NKAIN3: variants seen among roughly 807,000 people sequenced by gnomAD.
The protein encoded by NKAIN3 is sodium/potassium transporting ATPase interacting 3.
Under a neutral mutation model 30.2 loss-of-function variants are expected in NKAIN3, and 25 were observed. The ratio of observed to expected loss-of-function variants is 0.83; its 90% CI spans 0.60 to 1.16. The LOEUF (loss-of-function observed/expected upper bound fraction) is 1.16. NKAIN3 is among the 50% of genes most tolerant of loss of function. NKAIN3 has a pLI of 0.00. For missense variants in NKAIN3, 225 were observed against 254.1 expected (o/e 0.89, Z 0.78); for synonymous variants, 91 against 89.6 (o/e 1.02, Z -0.09).
intron 4 of NKAIN3, among the ~76,000 whole-genome samples, chr8:62,866,067 C>A (rs944605605): frequency 6.6e-6 from 1 of 151,914 alleles, no homozygotes; most frequent in Non-Finnish European, 1.5e-5. Flanking sequence ...TTTAGCAGTC[C>A]CATTTGTATT....
intron 1 of NKAIN3, among the ~76,000 whole-genome samples, chr8:62,553,606 G>A (rs1809291831): frequency 6.7e-6 from 1 of 150,036 alleles, no homozygotes; most frequent in Non-Finnish European, 1.5e-5. Flanking sequence ...GCGCGATCTC[G>A]GCTCACTGCC....
At chr8:62,768,148 C>T (rs1816902054) in intron 4 of NKAIN3, among the ~76,000 whole-genome samples, 1 of 152,084 alleles carries the variant, frequency 6.6e-6, no homozygotes, top group South Asian at 2.1e-4. Context: ...AGTGTAAAAA[C>T]GATTTTGTGC....
intron 4 of NKAIN3, among the ~76,000 whole-genome samples, chr8:62,881,172 T>G (rs528766475): frequency 6.6e-6 from 1 of 152,362 alleles, no homozygotes; most frequent in Admixed American, 6.5e-5. Flanking sequence ...TAGGGTTCAC[T>G]CTTGACACTG....
rs188496677 is a variant in NKAIN3 at position 62,837,240 on chromosome 8, T to A, written c.472-81213T>A. 1.5e-3 allele frequency among the ~76,000 whole-genome samples: 234 copies of A among 152,270 alleles called. 6 individuals carry two copies. Among genetic ancestry groups the A allele is most frequent in the Non-Finnish European group, 4.4e-5 (3 of 68,016 alleles). On this transcript the variant is annotated intron_variant, in intron 4 of 6. Coordinates refer to ENST00000623646, the MANE Select transcript of NKAIN3 (RefSeq NM_001304533.3). ...GTTTGAAGTTGATTGATTCTATGTA[T>A]CTTCATAGATAGGGAAGGTAACACT...
intron 3 of NKAIN3, among the ~76,000 whole-genome samples, chr8:62,676,050 G>A (rs1359050129): frequency 6.6e-6 from 1 of 152,178 alleles, no homozygotes; most frequent in Non-Finnish European, 1.5e-5. Flanking sequence ...CCTCTTACAT[G>A]ATAGGCAATG....
rs991340429 is a variant in NKAIN3, at chr8:62,975,536, T to G, written c.*10129T>G. ...CCACTTTATCACTTTTTATTGTGTC[T>G]ATTTGATTCTTCCCTCTTTTCTTCT... On this transcript the variant is annotated 3_prime_UTR_variant, in exon 7 of 7. Coordinates refer to ENST00000623646, the MANE Select transcript of NKAIN3 (RefSeq NM_001304533.3). 3.3e-5 allele frequency among the ~76,000 whole-genome samples: 5 copies of G among 152,182 alleles called. No individual in the cohort carries two copies. Among genetic ancestry groups the G allele is most frequent in the African/African-American group, 1.2e-4 (5 of 41,438 alleles).
chr8:62,670,594 G>A (rs1163716554), intron 3 of NKAIN3, among the ~76,000 whole-genome samples: 1 of 140,744 alleles, frequency 7.1e-6, no homozygotes, highest in Non-Finnish European at 1.5e-5. Context: ...CTTCCTAATA[G>A]GCCCCAGTTT....
At chr8:62,814,295 A>G (rs1017217379) in intron 4 of NKAIN3, among the ~76,000 whole-genome samples, 3 of 150,454 alleles carry the variant, frequency 2.0e-5, no homozygotes, top group Non-Finnish European at 3.0e-5. Context: ...TCACTTAATT[A>G]TGTTCTGTAT....
chr8:62,850,932 T>G (rs145073590), intron 4 of NKAIN3, among the ~76,000 whole-genome samples: 2 of 152,112 alleles, frequency 1.3e-5, no homozygotes, highest in East Asian at 3.9e-4. Context: ...TTGTCTTGGC[T>G]ATGTGGGGTC....
At chr8:62,814,504 A>G (rs952368742) in intron 4 of NKAIN3, among the ~76,000 whole-genome samples, 4 of 152,088 alleles carry the variant, frequency 2.6e-5, no homozygotes, top group African/African-American at 9.7e-5. Context: ...CAGCAAATGT[A>G]AAAGAACAGA....
At chr8:62,629,332 C>T (rs995126266) in intron 3 of NKAIN3, among the ~76,000 whole-genome samples, 4 of 151,950 alleles carry the variant, frequency 2.6e-5, no homozygotes, top group East Asian at 1.9e-4. Flanking sequence ...GTTAATTAGC[C>T]GCTCTATGGC....
intron 4 of NKAIN3, among the ~76,000 whole-genome samples, chr8:62,772,951 G>A (rs372641817): frequency 6.6e-6 from 1 of 152,012 alleles, no homozygotes; most frequent in African/African-American, 2.4e-5. Context: ...GAGCAACCAC[G>A]CCCGGCTCTT....
At chr8:62,888,913 G>A (rs1173308346) in intron 4 of NKAIN3, among the ~76,000 whole-genome samples, 1 of 152,106 alleles carries the variant, frequency 6.6e-6, no homozygotes, top group Non-Finnish European at 1.5e-5. Flanking sequence ...GGTTTTTAAT[G>A]AGACCTTCTT....
At position 62,449,821 on chromosome 8, in the gene NKAIN3, G is replaced by A. The variant is rs185239717; in HGVS notation, c.55-129718G>A. Among the ~76,000 whole-genome samples, 259 of 152,176 alleles carry A rather than the reference G, an allele frequency of 1.7e-3. 1 individual carries two copies. The highest frequency in any genetic ancestry group is 5.9e-3 in the African/African-American group (245 of 41,538). On this transcript the variant is annotated intron_variant, in intron 1 of 6. Coordinates refer to ENST00000623646, the MANE Select transcript of NKAIN3 (RefSeq NM_001304533.3). Reference sequence around the variant, plus strand: ...CATACATTACACTTCGGTGTGGGCCGGAAGGAAAGCTACCACATATGGTCC... The same window carrying A: ...CATACATTACACTTCGGTGTGGGCCAGAAGGAAAGCTACCACATATGGTCC...
chr8:62,556,177 T>C (rs1448301063), intron 1 of NKAIN3, among the ~76,000 whole-genome samples: 2 of 152,004 alleles, frequency 1.3e-5, no homozygotes, highest in African/African-American at 4.8e-5. Flanking sequence ...ATTAATAATG[T>C]CAATAGAACA....
intron 3 of NKAIN3, among the ~76,000 whole-genome samples, chr8:62,740,858 A>G (rs1815841520): frequency 6.6e-6 from 1 of 152,136 alleles, no homozygotes; most frequent in African/African-American, 2.4e-5. Context: ...ACTTAAATAT[A>G]TTTTAGGGAA....
At chr8:62,467,291 A>G (rs2129599823) in intron 1 of NKAIN3, among the ~76,000 whole-genome samples, 1 of 152,292 alleles carries the variant, frequency 6.6e-6, no homozygotes, top group East Asian at 1.9e-4. Flanking sequence ...CACCACAAAG[A>G]GATTACATAC....
At chr8:62,942,931 T>G (rs1341031610) in intron 5 of NKAIN3, among the ~76,000 whole-genome samples, 1 of 152,034 alleles carries the variant, frequency 6.6e-6, no homozygotes, top group Non-Finnish European at 1.5e-5. Flanking sequence ...CCATAGAAAT[T>G]CTAGAGGATA....
chr8:62,938,596 G>A (rs1432022584), intron 5 of NKAIN3, among the ~76,000 whole-genome samples: 1 of 152,120 alleles, frequency 6.6e-6, no homozygotes, highest in Non-Finnish European at 1.5e-5. Context: ...ACACACCCCA[G>A]TACCAGCCCA....
Sources: allele counts gnomAD v4.1 joint callset (sites outside exome capture counted in the v4.1 genomes callset), GRCh38; gene constraint gnomAD v4.1.1; transcripts MANE v1.5; gene names NCBI Gene and HGNC (gene_info 2026-07-23, HGNC 2026-07-21).